The following PSMD11 variants were observed in gnomAD, a reference collection of about 807,000 sequenced individuals.
The protein encoded by PSMD11 is 26S proteasome non-ATPase regulatory subunit 11.
A neutral mutation model predicts 62.3 loss-of-function variants in PSMD11; 5 were observed. That is an observed-to-expected ratio of 0.08 (90% CI 0.04 to 0.17). The LOEUF is 0.17. Ranked by LOEUF, PSMD11 falls within the 10% of genes least tolerant of loss-of-function variation. The pLI, the probability that PSMD11 is intolerant of heterozygous loss-of-function variation, is 1.00. For synonymous variants in PSMD11, 191 were observed against 191.8 expected, an observed-to-expected ratio of 1.00 and a Z score of 0.03; for missense variants, 310 against 512.9, an observed-to-expected ratio of 0.60 and a Z score of 3.82.
chr17:32,464,281 G>C (rs977601439), intron 4 of PSMD11, among the ~76,000 whole-genome samples, 161 bp downstream of exon 4: 1 of 152,226 alleles, frequency 6.6e-6, no homozygotes, highest in African/African-American at 2.4e-5. Flanking sequence ...TGCTCTGATT[G>C]AAGTTTTGAG....
intron 2 of PSMD11, among the ~76,000 whole-genome samples, chr17:32,453,773 G>T (rs1907571592): frequency 6.6e-6 from 1 of 152,182 alleles, no homozygotes; most frequent in South Asian, 2.1e-4. Flanking sequence ...TGTTTCAAAA[G>T]ATGTTTCTTT....
rs141324426 is a variant in PSMD11, at chr17:32,480,064, G to A, written c.1075-82G>A. On this transcript the variant is annotated intron_variant, in intron 11 of 13. Transcript: ENST00000261712. ...TTTGTTTTCAGTCCATTTGGCCTAAGACCCCTCCAACAAAGCTACTGTGTC... is the reference window on the plus strand; with the variant it reads ...TTTGTTTTCAGTCCATTTGGCCTAAAACCCCTCCAACAAAGCTACTGTGTC... The A allele has an allele frequency of 5.2e-3, 8,034 of 1,536,380 alleles. 22 individuals carry two copies. The highest frequency in any genetic ancestry group is 6.4e-3 in the Non-Finnish European group (7,070 of 1,109,326).
At chr17:32,461,345 G>A (rs542937122) in intron 3 of PSMD11, among the ~76,000 whole-genome samples, 17 of 152,240 alleles carry the variant, frequency 1.1e-4, no homozygotes, top group African/African-American at 2.9e-4. Context: ...CCAAAGTGCT[G>A]GGATTACAGG....
intron 3 of PSMD11, among the ~76,000 whole-genome samples, chr17:32,459,280 A>G (rs1907753641): frequency 6.6e-6 from 1 of 151,916 alleles, no homozygotes; most frequent in South Asian, 2.1e-4. Flanking sequence ...GTGCAGTGGT[A>G]TGCTCACAGC....
intron 2 of PSMD11, among the ~76,000 whole-genome samples, chr17:32,453,014 GTA>G (rs1213466050): frequency 6.6e-6 from 1 of 152,168 alleles, no homozygotes; most frequent in African/African-American, 2.4e-5. Context: ...GTGAAAGAAG[GTA>G]TAGATTTGTG....
At chr17:32,454,642 A>G in intron 3 of PSMD11, 23 bp downstream of exon 3, 1 of 1,608,976 alleles carries the variant, frequency 6.2e-7, no homozygotes, top group Non-Finnish European at 8.5e-7. Context: ...AATGACAGAA[A>G]GTAGACAATA....
chr17:32,474,925 C>T, intron 8 of PSMD11, 101 bp downstream of exon 8: 1 of 1,045,592 alleles, frequency 9.6e-7, no homozygotes, highest in Non-Finnish European at 1.5e-6. Context: ...CTTCATACTA[C>T]TCTCTTCCTT....
intron 5 of PSMD11, 23 bp from the exon 6 acceptor site, chr17:32,468,972 AAAGG>A (rs1020721637): frequency 5.6e-6 from 9 of 1,605,746 alleles, no homozygotes; most frequent in Non-Finnish European, 7.7e-6. Flanking sequence ...TGATGGCTAT[AAAGG>A]AGAATGTCTT....
rs552477243 is a variant in PSMD11 at position 32,479,512 on chromosome 17, C to G, written c.1038+136C>G. 3.6e-5 allele frequency: 47 copies of G among 1,291,608 alleles called. No homozygotes were observed. The African/African-American group carries it at 6.0e-4, about 16-fold the overall frequency. 80.0% of individuals were successfully genotyped at this position (1,291,608 alleles called of 1,614,324 possible). On this transcript the variant is annotated intron_variant, in intron 10 of 13. Coordinates refer to ENST00000261712, the MANE Select transcript of PSMD11 (RefSeq NM_002815.4). ...AAGAGGCCACCAAGAGCTTGGGCCT[C>G]TGTTGATAAAATGAACAAAAATCGA...
At position 32,464,480 on chromosome 17, in the gene PSMD11, T is replaced by C. The variant is rs1191603778; in HGVS notation, c.391-41T>C. 4 of 1,479,818 alleles carry C rather than the reference T, an allele frequency of 2.7e-6. No individual in the cohort carries two copies. In the Admixed American group the frequency reaches 8.0e-5, roughly 30 times the overall value. The allele number at this position is 1,479,818 out of a possible 1,614,324, so 91.7% of individuals were successfully genotyped here. A position where few individuals can be genotyped will look rare whatever the true frequency, so the allele number is the denominator to read the frequency against. On this transcript the variant is annotated intron_variant, in intron 4 of 13. Transcript: ENST00000261712. ...TCAATCTTTGATTTCTTTCTGTGGC[T>C]TTTTCCCCCCCCTTCAATCAATGCC...
At chr17:32,448,437 G>T (rs929413687) in intron 2 of PSMD11, among the ~76,000 whole-genome samples, 1 of 151,542 alleles carries the variant, frequency 6.6e-6, no homozygotes, top group African/African-American at 2.4e-5. Flanking sequence ...GTGCGATCTC[G>T]GCTCACTGCA....
intron 3 of PSMD11, among the ~76,000 whole-genome samples, chr17:32,460,509 T>C (rs1468855290): frequency 6.6e-6 from 1 of 152,212 alleles, no homozygotes; most frequent in Non-Finnish European, 1.5e-5. Context: ...GCATGGTGGC[T>C]CACGCCTGTG....
rs192755593 is a variant in PSMD11, at chr17:32,469,153, C to T, written c.603C>T (p.Tyr201=). Residue 201 remains tyrosine, a synonymous_variant, in exon 6 of 14, where the codon TAC becomes TAT. Transcript: ENST00000261712. ...TSARTTANAI[Y]CPPKLQATLD... is the part of the protein sequence containing the mutation. The stretch of plus-strand genomic sequence containing the variant: ...CTCGAACCACAGCAAATGCCATCTA[C>T]TGCCCCCCTAAATTGCAGGCCACCT... The T allele has an allele frequency of 6.2e-7, 1 of 1,614,108 alleles. No homozygotes were observed. The highest frequency in any genetic ancestry group is 2.2e-5 in the East Asian group (1 of 44,874).
intron 2 of PSMD11, among the ~76,000 whole-genome samples, chr17:32,452,361 C>G (rs528781050): frequency 3.9e-5 from 6 of 152,224 alleles, no homozygotes; most frequent in African/African-American, 1.2e-4. Flanking sequence ...GGCTGAATAA[C>G]TGTATCCAAA....
intron 3 of PSMD11, among the ~76,000 whole-genome samples, chr17:32,458,148 A>G (rs1051021307): frequency 5.3e-5 from 8 of 151,790 alleles, no homozygotes; most frequent in African/African-American, 1.9e-4. Context: ...ATTTTTTTTT[A>G]CTTGGACTAC....
intron 4 of PSMD11, 31 bp from the exon 5 acceptor site, chr17:32,464,490 C>A (rs748940615): frequency 1.3e-6 from 2 of 1,534,032 alleles, no homozygotes; most frequent in African/African-American, 1.4e-5. Flanking sequence ...TTTTTCCCCC[C>A]CCTTCAATCA....
At chr17:32,464,285 T>C (rs1447713993) in intron 4 of PSMD11, among the ~76,000 whole-genome samples, 165 bp downstream of exon 4, 1 of 152,174 alleles carries the variant, frequency 6.6e-6, no homozygotes, top group Admixed American at 6.5e-5. Context: ...CTGATTGAAG[T>C]TTTGAGACAG....
intron 1 of PSMD11, 114 bp from the exon 2 acceptor site, chr17:32,446,831 T>A: frequency 3.9e-6 from 2 of 514,156 alleles, no homozygotes; most frequent in Admixed American, 3.5e-5. Context: ...AACTCTAGAA[T>A]TTGTCTTTTG....
chr17:32,461,791 G>C (rs1907853669), intron 3 of PSMD11, among the ~76,000 whole-genome samples: 1 of 152,136 alleles, frequency 6.6e-6, no homozygotes, highest in Non-Finnish European at 1.5e-5. Context: ...GTAGTCCTTA[G>C]GTGAATTCAT....
Sources: allele counts gnomAD v4.1 joint callset (sites outside exome capture counted in the v4.1 genomes callset), GRCh38; gene constraint gnomAD v4.1.1; transcripts MANE v1.5; gene names NCBI Gene and HGNC (gene_info 2026-07-23, HGNC 2026-07-21).